Variants in PRKCH observed in about 807,000 individuals in gnomAD.
The protein encoded by PRKCH is protein kinase C eta type.
In PRKCH, 28 loss-of-function variants were observed where a neutral mutation model predicts 82.5. That is an observed-to-expected ratio of 0.34 (90% CI 0.25 to 0.47). The LOEUF (loss-of-function observed/expected upper bound fraction) is 0.47, where lower values mean the gene tolerates loss of function less well. Ranked by LOEUF, PRKCH falls within the 20% of genes least tolerant of loss-of-function variation. PRKCH has a pLI of 1.00. For missense variants in PRKCH, 705 were observed against 881.8 expected, an observed-to-expected ratio of 0.80 and a Z score of 2.54; for synonymous variants, 322 against 327.4, an observed-to-expected ratio of 0.98 and a Z score of 0.18.
At chr14:61,360,248 T>C (rs924692034) in intron 1 of PRKCH, among the ~76,000 whole-genome samples, 3 of 152,240 alleles carry the variant, frequency 2.0e-5, no homozygotes, top group Non-Finnish European at 4.4e-5. Flanking sequence ...CTCACGCCCA[T>C]GATCCCAGCA....
chr14:61,428,112 C>CATATATAT (rs112740584), intron 2 of PRKCH, among the ~76,000 whole-genome samples: 2,084 of 145,502 alleles, frequency 0.014, 62 homozygotes, highest in African/African-American at 0.052. Flanking sequence ...TATATACACA[C>CATATATAT]ATATATATAT....
chr14:61,473,407 A>G (rs1484205238), intron 9 of PRKCH, among the ~76,000 whole-genome samples: 1 of 152,200 alleles, frequency 6.6e-6, no homozygotes, highest in Non-Finnish European at 1.5e-5. Flanking sequence ...GAGGGAGGCT[A>G]ATGGCAGCAG....
intron 9 of PRKCH, among the ~76,000 whole-genome samples, chr14:61,473,514 T>G (rs1159444120): frequency 6.6e-6 from 1 of 152,086 alleles, no homozygotes; most frequent in East Asian, 1.9e-4. Context: ...GAAGTAGACA[T>G]GATAGGACTT....
chr14:61,328,710 G>T (rs181779734), intron 1 of PRKCH, among the ~76,000 whole-genome samples: 21 of 152,128 alleles, frequency 1.4e-4, no homozygotes, highest in Admixed American at 1.3e-4. Context: ...AACTGGGGCC[G>T]CGTGCTATGG....
At chr14:61,495,766 C>G (rs1194103386) in intron 10 of PRKCH, among the ~76,000 whole-genome samples, 1 of 152,156 alleles carries the variant, frequency 6.6e-6, no homozygotes, top group African/African-American at 2.4e-5. Flanking sequence ...ACCCCCTCCT[C>G]TCAGGGAGCT....
At chr14:61,394,609 A>G (rs1045455804) in intron 2 of PRKCH, among the ~76,000 whole-genome samples, 3 of 152,228 alleles carry the variant, frequency 2.0e-5, no homozygotes, top group African/African-American at 7.2e-5. Flanking sequence ...TGATTGTGCC[A>G]TAATCATTAC....
At position 61,526,365 on chromosome 14, in the gene PRKCH, G is replaced by A. The variant is rs933198042; in HGVS notation, c.1434-2710G>A. Among the ~76,000 whole-genome samples the A allele has an allele frequency of 5.3e-5, 8 of 152,300 alleles. No individual in the cohort carries two copies. The East Asian group carries it at 9.6e-4, about 18-fold the overall frequency. On this transcript the variant is annotated intron_variant, in intron 10 of 13. Transcript: ENST00000332981. ...CCTTTGCCTTATGCCCCTGACACCC[G>A]GGGAGGCTGCTACTAAGAGCAGAGA...
chr14:61,227,367 G>A (rs1054288911), intron 1 of PRKCH, among the ~76,000 whole-genome samples: 4 of 152,222 alleles, frequency 2.6e-5, no homozygotes, highest in Admixed American at 2.6e-4. Context: ...GGCCAAGGCA[G>A]GGGATCACGA....
intron 12 of PRKCH, chr14:61,545,067 A>T (rs1275509869): frequency 6.6e-6 from 1 of 152,000 alleles, no homozygotes; most frequent in Non-Finnish European, 1.5e-5. Context: ...TCATCCCCTA[A>T]ATTGCCGTGC....
At chr14:61,246,279 G>T (rs1264892610) in intron 1 of PRKCH, among the ~76,000 whole-genome samples, 1 of 149,830 alleles carries the variant, frequency 6.7e-6, no homozygotes, top group African/African-American at 2.5e-5. Flanking sequence ...GTGGTGGCAC[G>T]TGCCTGTAAT....
intron 1 of PRKCH, among the ~76,000 whole-genome samples, chr14:61,270,203 C>A (rs967316131): frequency 6.6e-6 from 1 of 152,186 alleles, no homozygotes; most frequent in Non-Finnish European, 1.5e-5. Context: ...CATGGTGGCT[C>A]ACACCTGTAA....
At chr14:61,232,473 G>A (rs2044752449) in intron 1 of PRKCH, among the ~76,000 whole-genome samples, 1 of 152,164 alleles carries the variant, frequency 6.6e-6, no homozygotes, top group Admixed American at 6.5e-5. Flanking sequence ...CACCCGCTTT[G>A]GCCTCCCAAA....
chr14:61,188,738 T>C (rs867732464), intron 1 of PRKCH, among the ~76,000 whole-genome samples: 3 of 145,650 alleles, frequency 2.1e-5, no homozygotes, highest in African/African-American at 5.1e-5. Flanking sequence ...TGTGTGTGTG[T>C]GATGGAGTTT....
chr14:61,401,824 T>G (rs1319265543), intron 2 of PRKCH, among the ~76,000 whole-genome samples: 1 of 152,240 alleles, frequency 6.6e-6, no homozygotes, highest in African/African-American at 2.4e-5. Flanking sequence ...AAAGCACTTG[T>G]GTGATTGAGT....
chr14:61,329,392 C>A (rs572253714), intron 1 of PRKCH, among the ~76,000 whole-genome samples: 1 of 151,870 alleles, frequency 6.6e-6, no homozygotes, highest in Non-Finnish European at 1.5e-5. Flanking sequence ...CACACCACCA[C>A]GCCTGGCTAA....
Position 61,280,250 on chromosome 14 carries a change from T to C in PRKCH, c.-19+92582T>C. 2 of 1,614,082 alleles carry C rather than the reference T, an allele frequency of 1.2e-6. No homozygotes were observed. The highest frequency in any genetic ancestry group is 1.6e-4 in the Middle Eastern group (1 of 6,062). On this transcript the variant is annotated intron_variant, in intron 1 of 3. Transcript: ENST00000555185. The surrounding 1 kb of genome is among the most constrained non-coding windows in gnomAD (Gnocchi z 5.0). ...GAGATGCTGCTGAAGATGAGGAGCTTGTGGCCGCCGAACGCGCGCACCGGG... is the reference window on the plus strand; with the variant it reads ...GAGATGCTGCTGAAGATGAGGAGCTCGTGGCCGCCGAACGCGCGCACCGGG...
chr14:61,214,355 G>A (rs2044602744), intron 1 of PRKCH, among the ~76,000 whole-genome samples: 1 of 152,088 alleles, frequency 6.6e-6, no homozygotes. Flanking sequence ...TTTGGAAATT[G>A]CTGGATCATA....
chr14:61,221,471 C>T (rs1190826499), intron 1 of PRKCH, among the ~76,000 whole-genome samples: 1 of 151,964 alleles, frequency 6.6e-6, no homozygotes, highest in African/African-American at 2.4e-5. Flanking sequence ...ACGTGTGCCC[C>T]CTTCATGTGC....
upstream of PRKCH, among the ~76,000 whole-genome samples, chr14:61,319,884 C>T: frequency 6.6e-6 from 1 of 152,326 alleles, no homozygotes; most frequent in Non-Finnish European, 1.5e-5. Context: ...AAGACAGGCC[C>T]TTTCCCCCCT....
Sources: allele counts gnomAD v4.1 joint callset (sites outside exome capture counted in the v4.1 genomes callset), GRCh38; gene constraint gnomAD v4.1.1; non-coding constraint Gnocchi (gnomAD v3.1); transcripts MANE v1.5; gene names NCBI Gene and HGNC (gene_info 2026-07-23, HGNC 2026-07-21).